The following RANBP17 variants were observed in gnomAD, a reference collection of about 807,000 sequenced individuals.
The protein encoded by RANBP17 is ran-binding protein 17.
In RANBP17, 158 loss-of-function variants were observed where a neutral mutation model predicts 141.2. The observed-to-expected ratio is 1.12, with a 90% CI of 0.98 to 1.28. RANBP17 has a LOEUF of 1.28. Among genes scored for constraint, RANBP17 ranks in the 50% most tolerant of loss-of-function variants. The probability of loss-of-function intolerance (pLI) is 0.00; values close to 1 mark genes in which losing one functional copy is unlikely to be tolerated. For missense variants in RANBP17, 1,438 were observed against 1,290.7 expected (o/e 1.11, Z -1.75); for synonymous variants, 430 against 450.0 (o/e 0.96, Z 0.56).
intron 14 of RANBP17, among the ~76,000 whole-genome samples, chr5:171,160,412 A>G (rs1759259811): frequency 6.6e-6 from 1 of 152,188 alleles, no homozygotes; most frequent in Non-Finnish European, 1.5e-5. Flanking sequence ...TAAAAATAAT[A>G]GGTAATACTT....
At chr5:171,091,703 A>C (rs1786293784) in intron 14 of RANBP17, among the ~76,000 whole-genome samples, 1 of 152,170 alleles carries the variant, frequency 6.6e-6, no homozygotes, top group Non-Finnish European at 1.5e-5. Context: ...TGCTGTTCTC[A>C]TGATAGCGAA....
chr5:170,924,346 T>A lies in RANBP17; in HGVS notation c.1275-11T>A, dbSNP rs539411925. ...TCTAATGTTGTCTGCAAACTTATTC[T>A]GTGTTTGCAGAGATCACTTAGATGA... On this transcript the variant is annotated splice_polypyrimidine_tract_variant and intron_variant, in intron 11 of 27. Transcript: ENST00000523189. 1.3e-6 allele frequency: 2 copies of A among 1,531,590 alleles called. No homozygotes were observed. Among genetic ancestry groups the A allele is most frequent in the South Asian group, 2.5e-5 (2 of 79,490 alleles). 94.9% of individuals were successfully genotyped at this position (1,531,590 alleles called of 1,614,324 possible). A position where few individuals can be genotyped will look rare whatever the true frequency, so the allele number is the denominator to read the frequency against.
At chr5:171,026,923 A>G (rs1457692) in intron 14 of RANBP17, among the ~76,000 whole-genome samples, 102,643 of 151,974 alleles carry the variant, frequency 0.68, 34,891 homozygotes, top group South Asian at 0.89. Context: ...TGCGTGAGAA[A>G]CATTACTGCC....
chr5:170,889,055 TTC>T (rs1258794907), intron 3 of RANBP17, among the ~76,000 whole-genome samples: 2 of 152,002 alleles, frequency 1.3e-5, no homozygotes, highest in Non-Finnish European at 2.9e-5. Context: ...TATATCTTTT[TTC>T]TTTCTTTTTT....
intron 2 of RANBP17, among the ~76,000 whole-genome samples, chr5:170,880,026 A>G (rs959560133): frequency 2.0e-5 from 3 of 152,198 alleles, no homozygotes; most frequent in Non-Finnish European, 4.4e-5. Context: ...CAAGCTTTGT[A>G]AATTTGTTCA....
intron 5 of RANBP17, among the ~76,000 whole-genome samples, chr5:170,900,671 A>T (rs1485842222): frequency 2.0e-5 from 3 of 152,172 alleles, no homozygotes; most frequent in Non-Finnish European, 4.4e-5. Context: ...ATTTCCCTCT[A>T]AACACTGCTT....
chr5:171,202,729 T>C (rs1198332125), intron 19 of RANBP17, among the ~76,000 whole-genome samples: 1 of 152,166 alleles, frequency 6.6e-6, no homozygotes, highest in Non-Finnish European at 1.5e-5. Context: ...GTTGGAACTA[T>C]TTAGAGGTTA....
intron 3 of RANBP17, among the ~76,000 whole-genome samples, chr5:170,891,742 A>G (rs1003329087): frequency 1.5e-4 from 23 of 152,148 alleles, no homozygotes; most frequent in Admixed American, 1.2e-3. Context: ...GAACATCAAG[A>G]TGGAAATCTG....
chr5:171,064,972 A>G (rs983569840), intron 14 of RANBP17, among the ~76,000 whole-genome samples: 1 of 152,028 alleles, frequency 6.6e-6, no homozygotes, highest in African/African-American at 2.4e-5. Context: ...GATTTTGTTA[A>G]TGAGTTTTCT....
At chr5:171,057,954 G>C (rs1486606354) in intron 14 of RANBP17, among the ~76,000 whole-genome samples, 5 of 152,030 alleles carry the variant, frequency 3.3e-5, no homozygotes, top group African/African-American at 1.2e-4. Flanking sequence ...GGGACACAGA[G>C]CCAAACCATA....
intron 25 of RANBP17, among the ~76,000 whole-genome samples, chr5:171,270,758 A>C (rs1767049748): frequency 6.6e-6 from 1 of 152,192 alleles, no homozygotes; most frequent in Non-Finnish European, 1.5e-5. Flanking sequence ...TATTAGAATA[A>C]GACACTGATC....
At chr5:171,028,141 T>G (rs1781337703) in intron 14 of RANBP17, among the ~76,000 whole-genome samples, 2 of 152,054 alleles carry the variant, frequency 1.3e-5, no homozygotes, top group African/African-American at 4.8e-5. Context: ...CTAAATAAAT[T>G]TTTAATTTAA....
intron 19 of RANBP17, among the ~76,000 whole-genome samples, chr5:171,201,958 G>A (rs1431064062): frequency 6.6e-6 from 1 of 152,170 alleles, no homozygotes; most frequent in Non-Finnish European, 1.5e-5. Flanking sequence ...AGGTGATGCT[G>A]TTAAAATATC....
At chr5:170,922,738 G>T (rs1772574168) in intron 11 of RANBP17, among the ~76,000 whole-genome samples, 1 of 152,108 alleles carries the variant, frequency 6.6e-6, no homozygotes, top group Non-Finnish European at 1.5e-5. Flanking sequence ...GCTTCCCTTG[G>T]CTAGGAAAGG....
chr5:171,244,005 A>G (rs1047445529), intron 24 of RANBP17, among the ~76,000 whole-genome samples: 1 of 152,136 alleles, frequency 6.6e-6, no homozygotes, highest in East Asian at 1.9e-4. Context: ...ATGCACCCAG[A>G]TGCACCCAGG....
intron 1 of RANBP17, among the ~76,000 whole-genome samples, chr5:170,870,551 A>G (rs1186928409): frequency 1.3e-5 from 2 of 152,142 alleles, no homozygotes; most frequent in Admixed American, 6.5e-5. Context: ...ACATGATCTC[A>G]TTCCTTTTTA....
At chr5:171,182,508 G>A (rs1214834118) in intron 16 of RANBP17, among the ~76,000 whole-genome samples, 1 of 152,152 alleles carries the variant, frequency 6.6e-6, no homozygotes, top group African/African-American at 2.4e-5. Flanking sequence ...TCTTGGGCAA[G>A]CAACTTAATT....
intron 14 of RANBP17, among the ~76,000 whole-genome samples, chr5:170,971,045 C>A (rs1776949901): frequency 6.6e-6 from 1 of 152,098 alleles, no homozygotes. Context: ...ATAATACTTT[C>A]AGGTAATAAA....
At chr5:171,183,510 T>C in intron 18 of RANBP17, 80 bp downstream of exon 18, 1 of 907,408 alleles carries the variant, frequency 1.1e-6, no homozygotes, top group South Asian at 1.5e-5. Flanking sequence ...TACTAGTGGG[T>C]ACAACATTTA....
Sources: allele counts gnomAD v4.1 joint callset (sites outside exome capture counted in the v4.1 genomes callset), GRCh38; gene constraint gnomAD v4.1.1; transcripts MANE v1.5; gene names NCBI Gene and HGNC (gene_info 2026-07-23, HGNC 2026-07-21).